Variants in MMP16 observed in about 807,000 individuals in gnomAD.
MMP16 encodes matrix metalloproteinase-16.
Under a neutral mutation model 67.8 loss-of-function variants are expected in MMP16, and 12 were observed. The ratio of observed to expected loss-of-function variants is 0.18; its 90% CI spans 0.11 to 0.29. MMP16 has a LOEUF of 0.29. Ranked by LOEUF, MMP16 falls within the 10% of genes least tolerant of loss-of-function variation. MMP16 has a pLI of 1.00. For synonymous variants in MMP16, 249 were observed against 255.9 expected, an observed-to-expected ratio of 0.97 and a Z score of 0.26; for missense variants, 475 against 765.7, an observed-to-expected ratio of 0.62 and a Z score of 4.48.
intron 1 of MMP16, among the ~76,000 whole-genome samples, chr8:88,288,392 C>T (rs747278587): frequency 2.0e-5 from 3 of 151,880 alleles, no homozygotes; most frequent in Non-Finnish European, 2.9e-5. Context: ...GCACCAGGTG[C>T]TATATCAGAT....
At chr8:88,056,031 G>C in intron 8 of MMP16, 97 bp downstream of exon 8, 1 of 938,486 alleles carries the variant, frequency 1.1e-6, no homozygotes, top group Non-Finnish European at 1.5e-6. Flanking sequence ...AAATCCACCA[G>C]GATTCTTCAA....
intron 4 of MMP16, among the ~76,000 whole-genome samples, chr8:88,154,947 C>T (rs1022531262): frequency 6.0e-5 from 9 of 151,192 alleles, no homozygotes. Context: ...TTTCTTATGG[C>T]AGTATAGATC....
At chr8:88,311,693 A>C (rs1408345463) in intron 1 of MMP16, among the ~76,000 whole-genome samples, 1 of 152,156 alleles carries the variant, frequency 6.6e-6, no homozygotes, top group African/African-American at 2.4e-5. Context: ...CCATAATAGA[A>C]GATTCTGGGT....
intron 7 of MMP16, among the ~76,000 whole-genome samples, chr8:88,066,019 T>C (rs778840701): frequency 1.3e-5 from 2 of 152,126 alleles, no homozygotes; most frequent in East Asian, 3.9e-4. Context: ...AAGTGATTTG[T>C]GTCTCTTGAA....
At chr8:88,082,883 C>T (rs567825670) in intron 6 of MMP16, among the ~76,000 whole-genome samples, 1 of 151,760 alleles carries the variant, frequency 6.6e-6, no homozygotes, top group Admixed American at 6.6e-5. Flanking sequence ...TCCCTAAATT[C>T]ATCTGTATAA....
At chr8:88,270,297 C>G (rs115284756) in intron 1 of MMP16, among the ~76,000 whole-genome samples, 51 of 152,218 alleles carry the variant, frequency 3.4e-4, no homozygotes, top group African/African-American at 1.2e-3. Context: ...TACTACAATC[C>G]CATTTCTAAA....
At chr8:88,128,837 T>C (rs558668810) in intron 4 of MMP16, among the ~76,000 whole-genome samples, 1 of 151,906 alleles carries the variant, frequency 6.6e-6, no homozygotes, top group Non-Finnish European at 1.5e-5. Flanking sequence ...AAGATCTGGA[T>C]GGTGGTCAGA....
chr8:88,310,706 C>T (rs1486716951), intron 1 of MMP16, among the ~76,000 whole-genome samples: 3 of 152,156 alleles, frequency 2.0e-5, no homozygotes, highest in Admixed American at 2.0e-4. Context: ...ATTCAAACAC[C>T]TTGTACAATG....
At chr8:88,085,459 C>A (rs890406741) in intron 6 of MMP16, among the ~76,000 whole-genome samples, 1 of 151,990 alleles carries the variant, frequency 6.6e-6, no homozygotes, top group Non-Finnish European at 1.5e-5. Flanking sequence ...GTTTTCAGGG[C>A]TCATCACTTA....
intron 1 of MMP16, among the ~76,000 whole-genome samples, chr8:88,218,751 G>A (rs1397516480): frequency 6.6e-6 from 1 of 151,964 alleles, no homozygotes. Flanking sequence ...AAATGCCCTT[G>A]TGCTTATACA....
At chr8:88,183,161 A>C (rs1019996613) in intron 3 of MMP16, among the ~76,000 whole-genome samples, 1 of 152,200 alleles carries the variant, frequency 6.6e-6, no homozygotes, top group African/African-American at 2.4e-5. Flanking sequence ...CACTTATCAA[A>C]ATCTATAGAA....
intron 4 of MMP16, among the ~76,000 whole-genome samples, chr8:88,159,152 C>A (rs1207949930): frequency 6.6e-6 from 1 of 152,134 alleles, no homozygotes; most frequent in Non-Finnish European, 1.5e-5. Context: ...AATGTGGGCT[C>A]TCTTTTGGGT....
At position 88,132,864 on chromosome 8, in the gene MMP16, A is replaced by G. The variant is rs1189078784; in HGVS notation, c.710-14003T>C. Among the ~76,000 whole-genome samples the G allele has an allele frequency of 9.2e-5, 14 of 151,864 alleles. No individual in the cohort carries two copies. In the East Asian group the frequency reaches 2.7e-3, roughly 30 times the overall value. On this transcript the variant is annotated intron_variant, in intron 4 of 9. Transcript: ENST00000286614. Reference sequence around the variant, plus strand: ...AATAGTGAATGCTACCACTTGAAGCAATTTCTGGGTTTTAGATATTGTACT... The same window carrying G: ...AATAGTGAATGCTACCACTTGAAGCGATTTCTGGGTTTTAGATATTGTACT...
chr8:88,197,760 TC>T (rs1181626686), intron 1 of MMP16, among the ~76,000 whole-genome samples: 1 of 152,154 alleles, frequency 6.6e-6, no homozygotes, highest in Non-Finnish European at 1.5e-5. Context: ...GACCAGTGAC[TC>T]CAGCTATGAC....
intron 1 of MMP16, among the ~76,000 whole-genome samples, chr8:88,272,847 T>C (rs1392611221): frequency 2.0e-5 from 3 of 152,100 alleles, no homozygotes; most frequent in Non-Finnish European, 4.4e-5. Context: ...TCAGGAATAC[T>C]GAATAGAAGC....
intron 4 of MMP16, among the ~76,000 whole-genome samples, chr8:88,134,608 CCT>C (rs1157625892): frequency 2.6e-5 from 4 of 151,022 alleles, no homozygotes. Flanking sequence ...GTATCTATCT[CCT>C]CTCTATATAT....
chr8:88,076,200 C>A (rs1449137409), intron 6 of MMP16, among the ~76,000 whole-genome samples: 1 of 152,110 alleles, frequency 6.6e-6, no homozygotes, highest in Non-Finnish European at 1.5e-5. Context: ...TGTCGCCTAA[C>A]AACTGTGTCA....
chr8:88,244,386 C>A (rs199598121), intron 1 of MMP16, among the ~76,000 whole-genome samples: 1 of 152,092 alleles, frequency 6.6e-6, no homozygotes, highest in East Asian at 1.9e-4. Context: ...AAAGCCATAT[C>A]GAACTCTGGC....
At chr8:88,149,853 C>A (rs1808370560) in intron 4 of MMP16, among the ~76,000 whole-genome samples, 1 of 149,178 alleles carries the variant, frequency 6.7e-6, no homozygotes, top group East Asian at 2.0e-4. Flanking sequence ...CGGAACAAAG[C>A]TGGATGGAGA....
Sources: allele counts gnomAD v4.1 joint callset (sites outside exome capture counted in the v4.1 genomes callset), GRCh38; gene constraint gnomAD v4.1.1; transcripts MANE v1.5; gene names NCBI Gene and HGNC (gene_info 2026-07-23, HGNC 2026-07-21).